NOM1: variants seen among roughly 807,000 people sequenced by gnomAD.
NOM1 encodes the protein nucleolar protein with MIF4G domain 1, also known as nucleolar MIF4G domain-containing protein 1.
NOM1 carries 58 observed loss-of-function variants against 73.3 expected under a neutral mutation model. That is an observed-to-expected ratio of 0.79 (90% CI 0.64 to 0.99). NOM1 has a LOEUF of 0.99. NOM1 is among the 50% of genes least tolerant of loss of function. NOM1 has a pLI of 0.00. For missense variants in NOM1, 1,226 were observed against 1,131.9 expected, an observed-to-expected ratio of 1.08 and a Z score of -1.19; for synonymous variants, 487 against 446.8, an observed-to-expected ratio of 1.09 and a Z score of -1.14.
Position 156,950,054 on chromosome 7 carries a change from AGGGTCCCGGCCTGGGAGGCCGAAGC to A in NOM1, c.320_344del (p.Gly107GlufsTer62). ...CTGCAGAGGACGGCGGGCCCCGAAC[AGGGTCCCGGCCTGGGAGGCCGAAGC>A]GGAGCCGAAGAAGCCAGCGGTCACC... On this transcript the variant is annotated frameshift_variant, in exon 1 of 11. Coordinates refer to ENST00000275820, the MANE Select transcript of NOM1 (RefSeq NM_138400.2). LOFTEE classifies it high-confidence loss of function. 2.6e-6 allele frequency: 4 copies of A among 1,543,518 alleles called. No homozygotes were observed. The highest frequency in any genetic ancestry group is 2.6e-6 in the Non-Finnish European group (3 of 1,146,926).
chr7:156,963,875 G>A (rs765513172), intron 6 of NOM1, 30 bp from the exon 7 acceptor site: 14 of 1,604,128 alleles, frequency 8.7e-6, no homozygotes, highest in Admixed American at 1.7e-5. Flanking sequence ...GGAGACATGC[G>A]TATGACTTGT....
chr7:156,950,556 G>A lies in NOM1; in HGVS notation c.819G>A (p.Ala273=), dbSNP rs1166969893. Reference sequence around the variant, plus strand: ...GAGACGTAGAAAAGGAAAAGAAGGCGCAGGAAGCAGAAGCGCAGAGCGAGG... The same window carrying A: ...GAGACGTAGAAAAGGAAAAGAAGGCACAGGAAGCAGAAGCGCAGAGCGAGG... ...EEGDVEKEKK[A]QEAEAQSEDD... The change falls in exon 1 of 11, where the codon GCG becomes GCA. Residue 273 remains alanine, a synonymous_variant. Transcript: ENST00000275820. The A allele has an allele frequency of 1.9e-6, 3 of 1,610,910 alleles. No individual in the cohort carries two copies. Among genetic ancestry groups the A allele is most frequent in the South Asian group, 2.2e-5 (2 of 90,894 alleles).
In NOM1 at chr7:156,954,132, G is replaced by T. The variant is rs1182416885; in HGVS notation, c.1142G>T (p.Ser381Ile). The T allele has an allele frequency of 6.2e-6, 10 of 1,611,940 alleles. No homozygotes were observed. The East Asian group carries it at 2.0e-4, about 32-fold the overall frequency. The part of the protein sequence containing the change: ...RLSEPNMASI[S>I]GQLEELYMAH... ...AGTGAACCCAACATGGCTTCCATCA[G>T]TGGGCAGCTGGAGGAACTGTACATG... Residue 381 changes from serine to isoleucine, a missense_variant, in exon 3 of 11, where the codon AGT becomes ATT. By Grantham distance (142) the Ser-to-Ile change is moderately radical (BLOSUM62 -2). Transcript: ENST00000275820.
chr7:156,960,359 T>C, intron 4 of NOM1, 185 bp downstream of exon 4: 1 of 583,484 alleles, frequency 1.7e-6, no homozygotes, highest in Non-Finnish European at 3.0e-6. Flanking sequence ...GAAAAATATT[T>C]TGTGAATTTA....
chr7:156,954,495 TAAC>T (rs1804670854), intron 3 of NOM1, among the ~76,000 whole-genome samples, 197 bp downstream of exon 3: 1 of 35,892 alleles, frequency 2.8e-5, no homozygotes, highest in African/African-American at 1.0e-4. Context: ...TGATTTTGCT[TAAC>T]TTTGCTTTTT....
chr7:156,960,044 T>C lies in NOM1; in HGVS notation c.1502T>C (p.Leu501Pro). Residue 501 changes from leucine to proline, a missense_variant, in exon 4 of 11, where the codon CTG becomes CCG. By Grantham distance (98) the Leu-to-Pro change is moderately conservative. Coordinates refer to ENST00000275820, the MANE Select transcript of NOM1 (RefSeq NM_138400.2). ...ACTTTCACCGAAAAAGATATTGAAC[T>C]GATCTTGTTAATGCTGAAAAACGTG... ...IGTFTEKDIE[L>P]ILLMLKNVGF... The C allele has an allele frequency of 6.2e-7, 1 of 1,614,200 alleles. No individual in the cohort carries two copies.
chr7:156,954,026 T>A (rs1804657360), intron 2 of NOM1, 77 bp from the exon 3 acceptor site: 1 of 1,264,116 alleles, frequency 7.9e-7, no homozygotes, highest in Admixed American at 2.2e-5. Flanking sequence ...TATGGATAAC[T>A]CTTTAATTTT....
chr7:156,968,505 A>G (rs144224146), intron 9 of NOM1, among the ~76,000 whole-genome samples: 37 of 152,172 alleles, frequency 2.4e-4, no homozygotes, highest in African/African-American at 8.9e-4. Flanking sequence ...GCTCGCTGAC[A>G]TTCAGCTAAG....
chr7:156,951,560 AT>A (rs1299418027), intron 1 of NOM1, among the ~76,000 whole-genome samples: 2 of 152,172 alleles, frequency 1.3e-5, no homozygotes, highest in Admixed American at 1.3e-4. Context: ...GTATGTAAAT[AT>A]TCAGCTTCTA....
At position 156,949,742 on chromosome 7, in the gene NOM1, C is replaced by G; in HGVS notation, c.5C>G (p.Ala2Gly). ...TGCGTCCACGCGTTTCGAAAGATGGCGGCGTCCAGGAGCGCGGGAGAGGCC... is the reference window on the plus strand; with the variant it reads ...TGCGTCCACGCGTTTCGAAAGATGGGGGCGTCCAGGAGCGCGGGAGAGGCC... The part of the protein sequence containing the change: M[A>G]ASRSAGEAGP... The change falls in exon 1 of 11, where the codon GCG (alanine) becomes GGG (glycine). Residue 2 changes from alanine (A) to glycine (G), a missense_variant. By Grantham distance (60) the Ala-to-Gly change is moderately conservative (BLOSUM62 0). Transcript: ENST00000275820. 2 of 1,359,200 alleles carry G rather than the reference C, an allele frequency of 1.5e-6. No homozygotes were observed. The highest frequency in any genetic ancestry group is 1.9e-6 in the Non-Finnish European group (2 of 1,061,148). 84.2% of individuals were successfully genotyped at this position (1,359,200 alleles called of 1,614,324 possible).
At chr7:156,959,180 G>A (rs1034669087) in intron 3 of NOM1, among the ~76,000 whole-genome samples, 2 of 151,380 alleles carry the variant, frequency 1.3e-5, no homozygotes, top group Non-Finnish European at 2.9e-5. Context: ...TCAGCTCACT[G>A]CAACCTCCAT....
At chr7:156,963,424 G>T (rs1313335874) in intron 6 of NOM1, 1 of 546,030 alleles carries the variant, frequency 1.8e-6, no homozygotes, top group African/African-American at 1.9e-5. Context: ...GGGAGCGCAT[G>T]AGGACCTGAA....
chr7:156,968,925 C>T, intron 9 of NOM1, 162 bp from the exon 10 acceptor site: 1 of 574,804 alleles, frequency 1.7e-6, no homozygotes, highest in Non-Finnish European at 3.1e-6. Context: ...CACATCCTTG[C>T]CAACAGGTGT....
chr7:156,967,320 T>C (rs755236373), intron 9 of NOM1, among the ~76,000 whole-genome samples: 10 of 152,222 alleles, frequency 6.6e-5, no homozygotes, highest in Non-Finnish European at 1.5e-5. Context: ...TCTGAATGAA[T>C]GTGTTTTGGA....
chr7:156,969,465 C>A, intron 10 of NOM1, 64 bp from the exon 11 acceptor site: 1 of 1,395,056 alleles, frequency 7.2e-7, no homozygotes, highest in East Asian at 2.3e-5. Context: ...TGCGAGATAC[C>A]CAGGATTGAG....
rs766181210 is a variant in NOM1 at position 156,954,197 on chromosome 7, G to A, written c.1207G>A (p.Ala403Thr). 34 of 1,613,674 alleles carry A rather than the reference G, an allele frequency of 2.1e-5. No homozygotes were observed. In the Middle Eastern group the frequency reaches 4.9e-4, roughly 23 times the overall value. ...RKDMNDTLTS[A>T]LMGACVTASA... ...GGACATGAATGACACCCTGACCTCC[G>A]CTCTCATGGGTGCCTGCGTCACTGC... is the stretch of plus-strand genomic sequence containing the variant. The change falls in exon 3 of 11, where the codon GCT becomes ACT. Residue 403 changes from alanine (A) to threonine (T), a missense_variant. By Grantham distance (58) the Ala-to-Thr change is moderately conservative. Transcript: ENST00000275820.
rs762285494 is a variant in NOM1, at chr7:156,966,281, A to G, written c.2045A>G (p.Lys682Arg). The change falls in exon 8 of 11, where the codon AAG (lysine) becomes AGG (arginine). Residue 682 changes from lysine to arginine, a missense_variant. Coordinates refer to ENST00000275820, the MANE Select transcript of NOM1 (RefSeq NM_138400.2). The stretch of plus-strand genomic sequence containing the variant: ...GTTCTGTTTTCTAGGCTTGGACTTA[A>G]GGATCAGCAGGAGAGAGAAATCATT... ...AFEKLLKLGL[K>R]DQQEREIIHV... 5 of 1,614,020 alleles carry G rather than the reference A, an allele frequency of 3.1e-6. No individual in the cohort carries two copies. Among genetic ancestry groups the G allele is most frequent in the Non-Finnish European group, 4.2e-6 (5 of 1,180,032 alleles).
chr7:156,965,300 C>T (rs1311027784), intron 7 of NOM1, among the ~76,000 whole-genome samples: 4 of 152,192 alleles, frequency 2.6e-5, no homozygotes, highest in African/African-American at 7.2e-5. Context: ...CATGAGACGC[C>T]GTCTAAGGGA....
intron 6 of NOM1, chr7:156,963,646 G>A (rs1008211456): frequency 3.0e-5 from 12 of 404,402 alleles, no homozygotes; most frequent in Non-Finnish European, 4.9e-5. Context: ...CTGGTTCTCT[G>A]TTTTATTCAT....
Sources: gnomAD v4.1 joint callset for allele counts (sites outside exome capture counted in the v4.1 genomes callset) on GRCh38, gnomAD v4.1.1 for gene constraint, MANE v1.5 for transcripts, NCBI Gene and HGNC (gene_info 2026-07-23, HGNC 2026-07-21) for gene names.